Variants in FUT8 observed in about 807,000 individuals in gnomAD.
FUT8 encodes the protein alpha-(1,6)-fucosyltransferase.
FUT8 carries 29 observed loss-of-function variants against 71.3 expected under a neutral mutation model. That is an observed-to-expected ratio of 0.41 (90% CI 0.30 to 0.55). The LOEUF (loss-of-function observed/expected upper bound fraction) is 0.55. Among genes scored for constraint, FUT8 ranks in the 20% least tolerant of loss-of-function variants. FUT8 has a pLI of 0.34. For missense variants in FUT8, 544 were observed against 702.1 expected (o/e 0.77, Z 2.55); for synonymous variants, 254 against 239.3 (o/e 1.06, Z -0.57).
At chr14:65,525,770 A>C (rs1795857564) in intron 2 of FUT8, among the ~76,000 whole-genome samples, 1 of 151,968 alleles carries the variant, frequency 6.6e-6, no homozygotes, top group Non-Finnish European at 1.5e-5. Context: ...TGTCTTTGTT[A>C]TTACTGGTTT....
chr14:65,711,701 T>C (rs963322041), intron 7 of FUT8, among the ~76,000 whole-genome samples: 1 of 152,196 alleles, frequency 6.6e-6, no homozygotes, highest in Non-Finnish European at 1.5e-5. Flanking sequence ...TGCCCACCTC[T>C]TAACTGGCAC....
chr14:65,526,032 T>C (rs1165285472), intron 2 of FUT8, among the ~76,000 whole-genome samples: 1 of 152,246 alleles, frequency 6.6e-6, no homozygotes, highest in Non-Finnish European at 1.5e-5. Context: ...GAAGAATGTA[T>C]ATTCTGTTGA....
chr14:65,589,885 A>G (rs1300371908), intron 3 of FUT8, among the ~76,000 whole-genome samples: 1 of 152,222 alleles, frequency 6.6e-6, no homozygotes, highest in African/African-American at 2.4e-5. Flanking sequence ...TTTTTAAAAG[A>G]TGATGCATAG....
intron 1 of FUT8, among the ~76,000 whole-genome samples, chr14:65,442,807 T>G: frequency 7.0e-6 from 1 of 142,372 alleles, no homozygotes; most frequent in Non-Finnish European, 1.5e-5. Flanking sequence ...GGTGACAGAG[T>G]GAGACCCCAT....
At chr14:65,731,463 G>A (rs1292766789) in intron 9 of FUT8, among the ~76,000 whole-genome samples, 1 of 152,122 alleles carries the variant, frequency 6.6e-6, no homozygotes, top group Non-Finnish European at 1.5e-5. Flanking sequence ...CATACTTGAG[G>A]GCAAAAGACA....
At chr14:65,728,871 T>C (rs560981853) in intron 9 of FUT8, among the ~76,000 whole-genome samples, 4 of 152,294 alleles carry the variant, frequency 2.6e-5, no homozygotes, top group South Asian at 4.1e-4. Flanking sequence ...CTATGATGTT[T>C]GCATGATGAT....
chr14:65,585,000 A>G (rs977661755), intron 3 of FUT8, among the ~76,000 whole-genome samples: 1 of 150,988 alleles, frequency 6.6e-6, no homozygotes, highest in Non-Finnish European at 1.5e-5. Context: ...TTTAACAGAT[A>G]TTCCTAATTG....
intron 1 of FUT8, among the ~76,000 whole-genome samples, chr14:65,450,270 G>A (rs1269363124): frequency 6.6e-6 from 1 of 152,124 alleles, no homozygotes; most frequent in Non-Finnish European, 1.5e-5. Context: ...AATAAAACCT[G>A]TGATTCCTAG....
At chr14:65,694,786 C>T (rs1047358319) in intron 7 of FUT8, among the ~76,000 whole-genome samples, 7 of 149,162 alleles carry the variant, frequency 4.7e-5, no homozygotes, top group Non-Finnish European at 1.0e-4. Context: ...AGTAAACTAT[C>T]GCAAGAACAA....
In FUT8 at chr14:65,592,115, A is replaced by C. The variant is rs1225425327; in HGVS notation, c.204-23863A>C. Among the ~76,000 whole-genome samples the C allele has an allele frequency of 3.3e-5, 5 of 152,152 alleles. No homozygotes were observed. The East Asian group carries it at 9.6e-4, about 29-fold the overall frequency. ...TGCGACTTTGCATATGCAGCTGTATATACAATTGTTTTTTTGTCAGCTTCA... is the reference window on the plus strand; with the variant it reads ...TGCGACTTTGCATATGCAGCTGTATCTACAATTGTTTTTTTGTCAGCTTCA... On this transcript the variant is annotated intron_variant, in intron 3 of 10. Coordinates refer to ENST00000673929, the MANE Select transcript of FUT8 (RefSeq NM_001371533.1).
At chr14:65,394,497 C>T in the FUT8 span, among the ~76,000 whole-genome samples, 1 of 152,164 alleles carries the variant, frequency 6.6e-6, no homozygotes, top group Non-Finnish European at 1.5e-5. Flanking sequence ...ACCAATCATG[C>T]CTTCCCAACA....
intron 3 of FUT8, among the ~76,000 whole-genome samples, chr14:65,588,049 C>T (rs1374396320): frequency 6.6e-6 from 1 of 152,120 alleles, no homozygotes; most frequent in Non-Finnish European, 1.5e-5. Flanking sequence ...CAACCTTTAC[C>T]CCAGCAAATA....
chr14:65,377,890 A>G, the FUT8 span, among the ~76,000 whole-genome samples: 1 of 152,170 alleles, frequency 6.6e-6, no homozygotes, highest in Non-Finnish European at 1.5e-5. Flanking sequence ...ATAAAGCTAC[A>G]GGTTATAAGA....
intron 2 of FUT8, among the ~76,000 whole-genome samples, chr14:65,559,151 AT>A (rs1175992100): frequency 6.6e-6 from 1 of 152,054 alleles, no homozygotes; most frequent in African/African-American, 2.4e-5. Context: ...ATGTCTTTTT[AT>A]TATTTAAATT....
intron 2 of FUT8, among the ~76,000 whole-genome samples, chr14:65,557,382 G>C (rs145053886): frequency 0.025 from 3,711 of 150,956 alleles, 57 homozygotes; most frequent in Non-Finnish European, 0.036. Flanking sequence ...GCCCAGGCTG[G>C]AGTGTGGTGT....
Position 65,423,004 on chromosome 14 carries a change from G to A in FUT8, c.-326+9790G>A, listed in dbSNP as rs548158205. 5.9e-3 allele frequency among the ~76,000 whole-genome samples: 696 copies of A among 117,864 alleles called. 8 individuals are homozygous for A. Among genetic ancestry groups the A allele is most frequent in the African/African-American group, 0.022 (658 of 29,352 alleles). The allele number at this position is 117,864 out of a possible 152,430, so 77.3% of individuals were successfully genotyped here. ...TCTTTCTTTTTTTTTTTTTTTTTTC[G>A]AGACTGAGTCTCGCTTTGTCACCCA... On this transcript the variant is annotated intron_variant, in intron 1 of 10. Transcript: ENST00000673929.
At position 65,559,587 on chromosome 14, in the gene FUT8, A is replaced by C. The variant is rs1265668020; in HGVS notation, c.-227-1750A>C. On this transcript the variant is annotated intron_variant, in intron 2 of 10. Coordinates refer to ENST00000673929, the MANE Select transcript of FUT8 (RefSeq NM_001371533.1). ...TACAGTTTCAGCATATAAGTATAGT[A>C]ACATTTTACAGTGTTGCATATGTTG... Among the ~76,000 whole-genome samples the C allele has an allele frequency of 2.0e-5, 3 of 149,810 alleles. No homozygotes were observed. In the South Asian group the frequency reaches 6.2e-4, roughly 31 times the overall value.
chr14:65,720,687 C>CT (rs956299564), intron 7 of FUT8, among the ~76,000 whole-genome samples: 2 of 152,140 alleles, frequency 1.3e-5, no homozygotes, highest in Non-Finnish European at 2.9e-5. Flanking sequence ...TAAAACTTGC[C>CT]TAGAAATTAC....
chr14:65,527,556 C>T (rs1040090685), intron 2 of FUT8, among the ~76,000 whole-genome samples: 7 of 152,164 alleles, frequency 4.6e-5, no homozygotes, highest in Non-Finnish European at 8.8e-5. Flanking sequence ...AGCCTCTTAT[C>T]TCAACTCATC....
Sources: allele counts gnomAD v4.1 joint callset (sites outside exome capture counted in the v4.1 genomes callset), GRCh38; gene constraint gnomAD v4.1.1; transcripts MANE v1.5; gene names NCBI Gene and HGNC (gene_info 2026-07-23, HGNC 2026-07-21).